Variants in LYVE1 observed in about 807,000 individuals in gnomAD.
LYVE1 encodes lymphatic vessel endothelial hyaluronan receptor 1.
A neutral mutation model predicts 31.5 loss-of-function variants in LYVE1; 29 were observed. The observed-to-expected ratio is 0.92, with a 90% CI of 0.69 to 1.26. The LOEUF (loss-of-function observed/expected upper bound fraction) is 1.26. Ranked by LOEUF, LYVE1 falls within the 50% of genes most tolerant of loss-of-function variation. The pLI is 0.00. For synonymous variants in LYVE1, 134 were observed against 139.4 expected (o/e 0.96, Z 0.27); for missense variants, 376 against 380.2 (o/e 0.99, Z 0.09).
Position 10,564,303 on chromosome 11 carries a change from T to C in LYVE1, c.157A>G (p.Asn53Asp). 1 of 1,614,186 alleles carries C rather than the reference T, an allele frequency of 6.2e-7. No individual in the cohort carries two copies. The highest frequency in any genetic ancestry group is 8.5e-7 in the Non-Finnish European group (1 of 1,180,014). The change falls in exon 2 of 6, where the codon AAT (asparagine) becomes GAT (aspartate). Residue 53 changes from asparagine (N) to aspartate (D), a missense_variant. Transcript: ENST00000256178. ...CAGGCCTCCTTAGCTTCTGTGAAAT[T>C]CAGCTGCTGGTTCGCCTTTTTGCTC... is the stretch of plus-strand genomic sequence containing the variant. The part of the protein sequence containing the change: ...LVSKKANQQL[N>D]FTEAKEACRL...
In LYVE1 at chr11:10,564,387, C is replaced by G; in HGVS notation, c.86-13G>C. The G allele has an allele frequency of 6.2e-7, 1 of 1,608,542 alleles. No individual in the cohort carries two copies. The highest frequency in any genetic ancestry group is 8.5e-7 in the Non-Finnish European group (1 of 1,176,540). ...TGGATGGAAAGCTCTGCAAAGGAAT[C>G]ACATAGGTCCTCAGTTTGCTGCTGT... is the stretch of plus-strand genomic sequence containing the variant. On this transcript the variant is annotated splice_polypyrimidine_tract_variant and intron_variant, in intron 1 of 5. Coordinates refer to ENST00000256178, the MANE Select transcript of LYVE1 (RefSeq NM_006691.4).
At chr11:10,562,339 A>G (rs921355316) in intron 3 of LYVE1, among the ~76,000 whole-genome samples, 1 of 152,230 alleles carries the variant, frequency 6.6e-6, no homozygotes, top group Non-Finnish European at 1.5e-5. Flanking sequence ...AGGACCTTGA[A>G]CAAGCTAAGC....
intron 3 of LYVE1, among the ~76,000 whole-genome samples, chr11:10,561,760 T>C (rs1189257130): frequency 6.6e-6 from 1 of 152,054 alleles, no homozygotes; most frequent in Non-Finnish European, 1.5e-5. Context: ...TATTATAATA[T>C]AAATTTGCAT....
In LYVE1 at chr11:10,557,473, A is replaced by T. The variant is rs1850337998; in HGVS notation, c.*1638T>A. ...CAGGTTGTGGCATCTGGGCCGAAGG[A>T]ACCACGGAGCTGTGGGGTCACTGGT... On this transcript the variant is annotated 3_prime_UTR_variant, in exon 6 of 6. Transcript: ENST00000256178. 6.6e-6 allele frequency: 1 copy of T among 152,212 alleles called. No individual in the cohort carries two copies. Among genetic ancestry groups the T allele is most frequent in the Non-Finnish European group, 1.5e-5 (1 of 68,036 alleles). 9.4% of individuals were successfully genotyped at this position (152,212 alleles called of 1,614,324 possible).
chr11:10,565,074 C>T (rs919352017), intron 1 of LYVE1, among the ~76,000 whole-genome samples: 1 of 152,160 alleles, frequency 6.6e-6, no homozygotes, highest in African/African-American at 2.4e-5. Flanking sequence ...CTCTTTGAGC[C>T]TCCTTGTTTA....
rs149725340 is a variant in LYVE1 at position 10,562,805 on chromosome 11, G to C, written c.397+1135C>G. ...AGGTGTCAATCTTTTCCTTCATAAA[G>C]TGGAGACTGGGTCTGGTTCTTAAAA... On this transcript the variant is annotated intron_variant, in intron 3 of 5. Transcript: ENST00000256178. Among the ~76,000 whole-genome samples the C allele has an allele frequency of 9.2e-3, 1,398 of 152,276 alleles. 24 individuals carry two copies. The highest frequency in any genetic ancestry group is 0.032 in the African/African-American group (1,313 of 41,540).
In LYVE1 at chr11:10,560,606, T is replaced by C. The variant is rs1165579258; in HGVS notation, c.592A>G (p.Lys198Glu). Residue 198 changes from lysine (K) to glutamate (E), a missense_variant, in exon 4 of 6, where the codon AAA becomes GAA. Physicochemically the swap from Lys to Glu is moderately conservative, Grantham distance 56 (BLOSUM62 1). Coordinates refer to ENST00000256178, the MANE Select transcript of LYVE1 (RefSeq NM_006691.4). ...PASTSIPRRK[K>E]LICVTEVFME... ...AAAACTTCTGTGACACAAATCAATT[T>C]TTTTCTCCGTGGAATAGAAGTGGAA... is the stretch of plus-strand genomic sequence containing the variant. 2 of 1,614,038 alleles carry C rather than the reference T, an allele frequency of 1.2e-6. No homozygotes were observed. Among genetic ancestry groups the C allele is most frequent in the Non-Finnish European group, 1.7e-6 (2 of 1,180,016 alleles).
intron 3 of LYVE1, among the ~76,000 whole-genome samples, chr11:10,562,343 G>A (rs1399776016): frequency 6.6e-6 from 1 of 152,230 alleles, no homozygotes; most frequent in African/African-American, 2.4e-5. Flanking sequence ...CCTTGAACAA[G>A]CTAAGCCCGT....
chr11:10,560,861 G>T, intron 3 of LYVE1, 61 bp from the exon 4 acceptor site: 1 of 1,369,780 alleles, frequency 7.3e-7, no homozygotes, highest in Non-Finnish European at 1.0e-6. Context: ...TGTTCTTCTT[G>T]CCTCTAGTCT....
At chr11:10,559,772 A>C in intron 5 of LYVE1, 44 bp downstream of exon 5, 1 of 1,566,046 alleles carries the variant, frequency 6.4e-7, no homozygotes, top group African/African-American at 1.3e-5. Flanking sequence ...CAGGATAGAA[A>C]CATGACAAAG....
Position 10,564,354 on chromosome 11 carries a change from A to G in LYVE1, c.106T>C (p.Cys36Arg). 1 of 1,613,880 alleles carries G rather than the reference A, an allele frequency of 6.2e-7. No individual in the cohort carries two copies. Among genetic ancestry groups the G allele is most frequent in the Non-Finnish European group, 8.5e-7 (1 of 1,179,854 alleles). Residue 36 changes from cysteine to arginine, a missense_variant, in exon 2 of 6, where the codon TGC (cysteine) becomes CGC (arginine). Physicochemically the swap from Cys to Arg is radical, Grantham distance 180. Coordinates refer to ENST00000256178, the MANE Select transcript of LYVE1 (RefSeq NM_006691.4). ...ACAAGGGTGATCCCCATAATTCTGC[A>G]TGACACCTGGATGGAAAGCTCTGCA... The part of the protein sequence containing the change: ...RAEELSIQVS[C>R]RIMGITLVSK...
At chr11:10,560,889 T>A in intron 3 of LYVE1, 89 bp from the exon 4 acceptor site, 2 of 1,029,124 alleles carry the variant, frequency 1.9e-6, no homozygotes, top group Non-Finnish European at 2.9e-6. Context: ...TCCAAACCCC[T>A]TATACCGCAG....
At chr11:10,567,815 C>T (rs1047014243) in intron 1 of LYVE1, among the ~76,000 whole-genome samples, 2 of 152,036 alleles carry the variant, frequency 1.3e-5, no homozygotes, top group Non-Finnish European at 2.9e-5. Flanking sequence ...TTGCTATTTA[C>T]TGAATATTTT....
At chr11:10,561,892 CA>C (rs1459036435) in intron 3 of LYVE1, among the ~76,000 whole-genome samples, 14 of 152,106 alleles carry the variant, frequency 9.2e-5, no homozygotes, top group Non-Finnish European at 1.5e-4. Context: ...ATGGGTGCAG[CA>C]AACCACCATG....
rs1196188971 is a variant in LYVE1, at chr11:10,564,369, A to G, written c.91T>C (p.Ser31Pro). 6.2e-7 allele frequency: 1 copy of G among 1,612,702 alleles called. No homozygotes were observed. Among genetic ancestry groups the G allele is most frequent in the East Asian group, 2.2e-5 (1 of 44,832 alleles). ...VQGSLRAEELSIQVSCRIMGI... is the reference protein window; with the variant it reads ...VQGSLRAEELPIQVSCRIMGI... ...ATAATTCTGCATGACACCTGGATGG[A>G]AAGCTCTGCAAAGGAATCACATAGG... The change falls in exon 2 of 6, where the codon TCC becomes CCC. Residue 31 changes from serine to proline, a missense_variant. Ser to Pro is a moderately conservative substitution (Grantham distance 74). Transcript: ENST00000256178.
At position 10,559,022 on chromosome 11, in the gene LYVE1, TCTTTGGC is replaced by T; in HGVS notation, c.*82_*88del. 1 of 1,260,190 alleles carries T rather than the reference TCTTTGGC, an allele frequency of 7.9e-7. No homozygotes were observed. Among genetic ancestry groups the T allele is most frequent in the Non-Finnish European group, 1.1e-6 (1 of 896,416 alleles). 78.1% of individuals were successfully genotyped at this position (1,260,190 alleles called of 1,614,324 possible). On this transcript the variant is annotated 3_prime_UTR_variant, in exon 6 of 6. Transcript: ENST00000256178. The stretch of plus-strand genomic sequence containing the variant: ...CCAAGGGTGGACTTTCTTCTTTGGT[TCTTTGGC>T]CCTTTTGATTTCCCCAGCTGGGGCA...
rs1465698942 is a variant in LYVE1 at position 10,568,092 on chromosome 11, G to T, written c.85+356C>A. Among the ~76,000 whole-genome samples, 5 of 152,288 alleles carry T rather than the reference G, an allele frequency of 3.3e-5. No homozygotes were observed. The South Asian group carries it at 8.3e-4, about 25-fold the overall frequency. On this transcript the variant is annotated intron_variant, in intron 1 of 5. Transcript: ENST00000256178. ...AGGCAGGACGATCACTTGAAGCCAG[G>T]AGTTCAAGACCAGGCTGGGCAACAA...
intron 1 of LYVE1, among the ~76,000 whole-genome samples, chr11:10,566,011 T>C (rs1850529874): frequency 6.6e-6 from 1 of 152,176 alleles, no homozygotes; most frequent in African/African-American, 2.4e-5. Flanking sequence ...GGTTTCTCCA[T>C]GTTGGTCAGG....
chr11:10,559,539 C>A (rs142842072), intron 5 of LYVE1, among the ~76,000 whole-genome samples: 1 of 152,056 alleles, frequency 6.6e-6, no homozygotes, highest in South Asian at 2.1e-4. Flanking sequence ...AAACAAAGAA[C>A]CAAAAATCAA....
Sources: allele counts gnomAD v4.1 joint callset (sites outside exome capture counted in the v4.1 genomes callset), GRCh38; gene constraint gnomAD v4.1.1; transcripts MANE v1.5; gene names NCBI Gene and HGNC (gene_info 2026-07-23, HGNC 2026-07-21).